ERI2: variants seen among roughly 807,000 people sequenced by gnomAD.
ERI2 encodes ERI1 exoribonuclease family member 2, also known as ERI1 exoribonuclease 2.
ERI2 carries 35 observed loss-of-function variants against 46.8 expected under a neutral mutation model. The ratio of observed to expected loss-of-function variants is 0.75; its 90% CI spans 0.57 to 0.99. The LOEUF (loss-of-function observed/expected upper bound fraction) is 0.99. Ranked by LOEUF, ERI2 falls within the 50% of genes least tolerant of loss-of-function variation. The probability of loss-of-function intolerance (pLI) is 0.00; values close to 1 mark genes in which losing one functional copy is unlikely to be tolerated. For synonymous variants in ERI2, 224 were observed against 271.0 expected (o/e 0.83, Z 1.70); for missense variants, 695 against 796.2 (o/e 0.87, Z 1.53).
downstream of ERI2, among the ~76,000 whole-genome samples, chr16:20,793,598 A>G (rs918732233): frequency 2.6e-5 from 4 of 152,234 alleles, no homozygotes; most frequent in Admixed American, 6.5e-5. Flanking sequence ...TACCCTGTTA[A>G]GTCCTCCTGG....
rs1407259348 is a variant in ERI2 at position 20,798,413 on chromosome 16, C to T, written c.1387G>A (p.Glu463Lys). Residue 463 changes from glutamate (E) to lysine (K), a missense_variant, in exon 9 of 9, where the codon GAA becomes AAA. Glu to Lys is a moderately conservative substitution (Grantham distance 56). Coordinates refer to ENST00000357967, the MANE Select transcript of ERI2 (RefSeq NM_001142725.2). ...GAAGTCTCAGATTTTTGAGGAGTTT[C>T]CTCTATGTCTCCAAAGTTTTCATGA... is the stretch of plus-strand genomic sequence containing the variant. ...SSHENFGDIEETPQKSETSKS... is the reference protein window; with the variant it reads ...SSHENFGDIEKTPQKSETSKS... 5 of 1,550,506 alleles carry T rather than the reference C, an allele frequency of 3.2e-6. No individual in the cohort carries two copies. In the East Asian group the frequency reaches 9.8e-5, roughly 30 times the overall value.
chr16:20,785,938 A>ATT lies in ERI2; in HGVS notation c.894+3539_894+3540dup. On this transcript the variant is annotated intron_variant, in intron 10 of 10. Coordinates refer to the ERI2 transcript ENST00000300005. ...GCATGTATTTATATGTTATCACTACATTCCATGAGAGTATAGCATTCATTT... is the reference window on the plus strand; with the variant it reads ...GCATGTATTTATATGTTATCACTACATTTTCCATGAGAGTATAGCATTCATTT... 9.8e-6 allele frequency: 5 copies of ATT among 510,660 alleles called. No homozygotes were observed. In the South Asian group the frequency reaches 1.8e-4, roughly 19 times the overall value. 31.6% of individuals were successfully genotyped at this position (510,660 alleles called of 1,614,324 possible). A position where few individuals can be genotyped will look rare whatever the true frequency, so the allele number is the denominator to read the frequency against.
Position 20,806,385 on chromosome 16 carries a change from CGACCCG to C in ERI2, c.23+17_23+22del. On this transcript the variant is annotated intron_variant, in intron 1 of 8. Transcript: ENST00000357967. Reference sequence around the variant, plus strand: ...CGCTGGACCCGGAGCTACCCGCCCCCGACCCGGAACTCCCTCGAGTACCGCGCGAGC... The same window carrying C: ...CGCTGGACCCGGAGCTACCCGCCCCCGAACTCCCTCGAGTACCGCGCGAGC... 1 of 1,549,800 alleles carries C rather than the reference CGACCCG, an allele frequency of 6.5e-7. No homozygotes were observed. The highest frequency in any genetic ancestry group is 2.4e-5 in the East Asian group (1 of 40,882).
chr16:20,798,937 T>C lies in ERI2; in HGVS notation c.863A>G (p.Asn288Ser), dbSNP rs1223859780. 4.5e-6 allele frequency: 7 copies of C among 1,551,064 alleles called. No homozygotes were observed. Among genetic ancestry groups the C allele is most frequent in the African/African-American group, 4.1e-5 (3 of 73,010 alleles). ...IYNKEPKNII[N>S]PHEKVQMKSI... ...CTTCATTTGAACTTTTTCATGAGGA[T>C]TTATTATATTTTTAGGCTCCTTATT... Residue 288 changes from asparagine (N) to serine (S), a missense_variant, in exon 9 of 9, where the codon AAT becomes AGT. Transcript: ENST00000357967.
At chr16:20,800,227 A>G in intron 6 of ERI2, 75 bp downstream of exon 6, 2 of 1,046,256 alleles carry the variant, frequency 1.9e-6, no homozygotes, top group African/African-American at 3.2e-5. Context: ...GCAGAAACCC[A>G]TGCCCATGTG....
At chr16:20,788,606 A>T (rs535165011) in intron 10 of ERI2, among the ~76,000 whole-genome samples, 1 of 152,206 alleles carries the variant, frequency 6.6e-6, no homozygotes, top group Non-Finnish European at 1.5e-5. Flanking sequence ...AACCAGGTGA[A>T]TATCAGATTC....
In ERI2 at chr16:20,803,595, C is replaced by T. The variant is rs1164029209; in HGVS notation, c.91+8G>A. ...ACAAAATGCAAAGAAACTAAGCATA[C>T]TACTCACTGGATTTGCTTCTTCCGA... On this transcript the variant is annotated splice_region_variant and intron_variant, in intron 2 of 8. Coordinates refer to ENST00000357967, the MANE Select transcript of ERI2 (RefSeq NM_001142725.2). The T allele has an allele frequency of 1.2e-6, 2 of 1,614,156 alleles. No homozygotes were observed. Among genetic ancestry groups the T allele is most frequent in the Middle Eastern group, 3.3e-4 (2 of 6,062 alleles).
At chr16:20,800,206 G>T in intron 6 of ERI2, 96 bp downstream of exon 6, 2 of 920,374 alleles carry the variant, frequency 2.2e-6, no homozygotes, top group Non-Finnish European at 3.4e-6. Flanking sequence ...ACAAAAGAAA[G>T]TATCTTCTTT....
chr16:20,781,173 A>T, intron 10 of ERI2: 1 of 1,605,854 alleles, frequency 6.2e-7, no homozygotes, highest in Non-Finnish European at 8.5e-7. Flanking sequence ...AAATGCATTA[A>T]GCAGTATGGC....
chr16:20,796,262 A>T (rs1251297895), downstream of ERI2: 3 of 1,491,794 alleles, frequency 2.0e-6, no homozygotes, highest in Non-Finnish European at 2.7e-6. Flanking sequence ...ATTAAAACAC[A>T]CTGGCCCACC....
intron 4 of ERI2, among the ~76,000 whole-genome samples, chr16:20,801,989 C>G (rs759860858): frequency 2.7e-5 from 4 of 150,080 alleles, no homozygotes; most frequent in African/African-American, 4.9e-5. Context: ...GAACTCCTGA[C>G]CTCAGATGAT....
At chr16:20,783,124 C>G (rs1374598825) in intron 10 of ERI2, 1 of 152,182 alleles carries the variant, frequency 6.6e-6, no homozygotes, top group Admixed American at 6.5e-5. Flanking sequence ...AACCCCTATA[C>G]GGGAGCCCCA....
Position 20,796,518 on chromosome 16 carries a change from G to C in ERI2, c.*1206C>G. 1 of 1,608,462 alleles carries C rather than the reference G, an allele frequency of 6.2e-7. No individual in the cohort carries two copies. Among genetic ancestry groups the C allele is most frequent in the Non-Finnish European group, 8.5e-7 (1 of 1,178,990 alleles). ...GGCATCCTAATTATAACGAATATTT[G>C]CTCAGTGTTGTGGACAATTTCAAGT... On this transcript the variant is annotated 3_prime_UTR_variant, in exon 9 of 9. Transcript: ENST00000357967.
rs1369226845 is a variant in ERI2, at chr16:20,796,950, AG to A, written c.*773del. ...AAGACAAAAAGAAATGAACTGAGGA[AG>A]AAAGAATGGAAGACAATTTAAAGTT... On this transcript the variant is annotated 3_prime_UTR_variant, in exon 9 of 9. Transcript: ENST00000357967. The A allele has an allele frequency of 1.2e-5, 20 of 1,612,886 alleles. No homozygotes were observed. The highest frequency in any genetic ancestry group is 1.6e-5 in the Non-Finnish European group (19 of 1,179,474).
downstream of ERI2, among the ~76,000 whole-genome samples, chr16:20,793,246 A>G (rs1356676386): frequency 6.6e-6 from 1 of 152,154 alleles, no homozygotes; most frequent in East Asian, 1.9e-4. Flanking sequence ...AGGTGGGTGG[A>G]TCACCTGAGG....
chr16:20,791,411 T>C (rs1424690426), downstream of ERI2, among the ~76,000 whole-genome samples: 4 of 152,250 alleles, frequency 2.6e-5, no homozygotes, highest in Non-Finnish European at 5.9e-5. Flanking sequence ...GCAAAAGACT[T>C]AATTTAGTTT....
In ERI2 at chr16:20,803,617, C is replaced by A. The variant is rs2080818858; in HGVS notation, c.77G>T (p.Gly26Val). 6.2e-7 allele frequency: 1 copy of A among 1,614,136 alleles called. No individual in the cohort carries two copies. Among genetic ancestry groups the A allele is most frequent in the Non-Finnish European group, 8.5e-7 (1 of 1,179,998 alleles). The change falls in exon 2 of 9, where the codon GGA becomes GTA. Residue 26 changes from glycine (G) to valine (V), a missense_variant. By Grantham distance (109) the Gly-to-Val change is moderately radical (BLOSUM62 -3). Coordinates refer to ENST00000357967, the MANE Select transcript of ERI2 (RefSeq NM_001142725.2). The stretch of plus-strand genomic sequence containing the variant: ...ATACTACTCACTGGATTTGCTTCTT[C>A]CGAGATTTCCATTTGCTGGCGCAAT... ...KSIAPANGNL[G>V]RSKSKQLFDY...
chr16:20,803,534 G>T lies in ERI2; in HGVS notation c.92-18C>A, dbSNP rs2080817711. 1 of 1,613,818 alleles carries T rather than the reference G, an allele frequency of 6.2e-7. No individual in the cohort carries two copies. Among genetic ancestry groups the T allele is most frequent in the Non-Finnish European group, 8.5e-7 (1 of 1,179,774 alleles). On this transcript the variant is annotated intron_variant, in intron 2 of 8. Coordinates refer to ENST00000357967, the MANE Select transcript of ERI2 (RefSeq NM_001142725.2). ...CAACTGCTCTGCAAAAGATCAAGTT[G>T]TTCTTATGCTTTACCAGTGCTGAAA...
chr16:20,785,255 A>T, intron 10 of ERI2: 1 of 1,088,708 alleles, frequency 9.2e-7, no homozygotes, highest in Non-Finnish European at 1.3e-6. Context: ...GCAAGAACCT[A>T]ATTGCAAAAA....
Sources: allele counts gnomAD v4.1 joint callset (sites outside exome capture counted in the v4.1 genomes callset), GRCh38; gene constraint gnomAD v4.1.1; transcripts MANE v1.5; gene names NCBI Gene and HGNC (gene_info 2026-07-23, HGNC 2026-07-21).